DOP1B: variants seen among roughly 807,000 people sequenced by gnomAD.
DOP1B encodes the protein protein DOP1B.
DOP1B carries 174 observed loss-of-function variants against 233.5 expected under a neutral mutation model. The observed-to-expected ratio is 0.75, with a 90% CI of 0.66 to 0.85. DOP1B has a LOEUF of 0.85. Among genes scored for constraint, DOP1B ranks in the 40% least tolerant of loss-of-function variants. The pLI, the probability that DOP1B is intolerant of heterozygous loss-of-function variation, is 0.00. For missense variants in DOP1B, 2,652 were observed against 2,846.6 expected, an observed-to-expected ratio of 0.93 and a Z score of 1.56; for synonymous variants, 1,190 against 1,185.6, an observed-to-expected ratio of 1.00 and a Z score of -0.08.
In DOP1B at chr21:36,200,326, C is replaced by T. The variant is rs772003690; in HGVS notation, c.321-5C>T. ...TGCCCCGCTCCCTCTCGTTCTTTCTCGAAGCTGCGGGTTATTTCCTCTCCT... is the reference window on the plus strand; with the variant it reads ...TGCCCCGCTCCCTCTCGTTCTTTCTTGAAGCTGCGGGTTATTTCCTCTCCT... On this transcript the variant is annotated splice_region_variant and splice_polypyrimidine_tract_variant and intron_variant, in intron 3 of 36. Coordinates refer to ENST00000691173, the MANE Select transcript of DOP1B (RefSeq NM_001320714.2). 8.9e-6 allele frequency: 14 copies of T among 1,581,806 alleles called. No individual in the cohort carries two copies. In the Admixed American group the frequency reaches 1.3e-4, roughly 14 times the overall value.
intron 24 of DOP1B, chr21:36,261,036 C>T (rs2067164042): frequency 3.6e-6 from 4 of 1,115,262 alleles, no homozygotes; most frequent in Non-Finnish European, 4.4e-6. Flanking sequence ...AGAAAAAAAC[C>T]ACATATAGGG....
chr21:36,288,059 C>T lies in DOP1B; in HGVS notation c.6206C>T (p.Ala2069Val). The T allele has an allele frequency of 1.2e-6, 2 of 1,613,994 alleles. No homozygotes were observed. Among genetic ancestry groups the T allele is most frequent in the Non-Finnish European group, 1.7e-6 (2 of 1,179,976 alleles). ...AGAGTTGGACAGACATCCATAGTTG[C>T]TGCTCAGATGTTTCTTTTTTTCAGA... ...NLRVGQTSIVAAQMFLFFRVL... is the reference protein window; with the variant it reads ...NLRVGQTSIVVAQMFLFFRVL... Residue 2069 changes from alanine (A) to valine (V), a missense_variant, in exon 33 of 37, where the codon GCT becomes GTT. Coordinates refer to ENST00000691173, the MANE Select transcript of DOP1B (RefSeq NM_001320714.2).
chr21:36,178,066 C>G (rs995219022), intron 2 of DOP1B, among the ~76,000 whole-genome samples: 9 of 152,164 alleles, frequency 5.9e-5, no homozygotes, highest in Non-Finnish European at 1.2e-4. Flanking sequence ...TTCTCCTTCT[C>G]CCCTCAAACT....
intron 30 of DOP1B, among the ~76,000 whole-genome samples, chr21:36,279,809 T>C (rs1487487457): frequency 6.6e-6 from 1 of 152,248 alleles, no homozygotes; most frequent in Non-Finnish European, 1.5e-5. Context: ...GAAAAGCTTT[T>C]TCGTAGCTTT....
intron 26 of DOP1B, among the ~76,000 whole-genome samples, chr21:36,265,544 C>G (rs989919486): frequency 2.0e-5 from 3 of 152,232 alleles, no homozygotes; most frequent in African/African-American, 7.2e-5. Flanking sequence ...ACTTGCTCAC[C>G]TAAGCCCTCC....
intron 2 of DOP1B, among the ~76,000 whole-genome samples, chr21:36,171,679 T>G (rs1231729772): frequency 1.3e-5 from 2 of 152,208 alleles, no homozygotes; most frequent in Admixed American, 6.5e-5. Context: ...AGATTGTCTA[T>G]GCAGCCTTCA....
At chr21:36,241,486 C>T (rs2066890761) in intron 18 of DOP1B, among the ~76,000 whole-genome samples, 1 of 148,590 alleles carries the variant, frequency 6.7e-6, no homozygotes, top group Non-Finnish European at 1.5e-5. Flanking sequence ...TTTTTCTTAT[C>T]CTGTATTTAT....
At chr21:36,169,144 A>T in intron 2 of DOP1B, 1 of 942,084 alleles carries the variant, frequency 1.1e-6, no homozygotes, top group Non-Finnish European at 1.7e-6. Flanking sequence ...ATGTGCAGAG[A>T]ATGAGCACTC....
intron 2 of DOP1B, among the ~76,000 whole-genome samples, chr21:36,176,097 CGTGTGTGT>C (rs1555886143): frequency 7.1e-6 from 1 of 141,744 alleles, no homozygotes; most frequent in African/African-American, 2.6e-5. Context: ...GGTGTGTGTG[CGTGTGTGT>C]GTGTGTGTGT....
chr21:36,274,033 G>A (rs528656432), intron 27 of DOP1B, among the ~76,000 whole-genome samples: 40 of 152,150 alleles, frequency 2.6e-4, no homozygotes, highest in Non-Finnish European at 3.4e-4. Flanking sequence ...AGCCGAGATC[G>A]CGCCGCTCCA....
chr21:36,227,872 A>T lies in DOP1B; in HGVS notation c.1660A>T (p.Thr554Ser), dbSNP rs1569034895. 2 of 1,596,006 alleles carry T rather than the reference A, an allele frequency of 1.3e-6. No individual in the cohort carries two copies. Among genetic ancestry groups the T allele is most frequent in the Non-Finnish European group, 1.7e-6 (2 of 1,167,938 alleles). ...SYLDTESTSG[T>S]SSPVKGENGK... ...CCTCGACACGGAGTCCACCAGCGGA[A>T]CCTCGGTGTGTACTCTGAGGGGCAG... Residue 554 changes from threonine (T) to serine (S), a missense_variant, in exon 13 of 37, where the codon ACC (threonine) becomes TCC (serine). This residue lies in a region of DOP1B where 2,617 missense variants were observed against 2,794.3 expected (regional missense o/e 0.94). Transcript: ENST00000691173.
intron 32 of DOP1B, among the ~76,000 whole-genome samples, chr21:36,286,174 C>A (rs997725871): frequency 1.3e-5 from 2 of 151,974 alleles, no homozygotes; most frequent in African/African-American, 4.8e-5. Context: ...ATCAGTCTTA[C>A]GTCTTTGGGG....
At chr21:36,223,451 G>A in intron 11 of DOP1B, 101 bp downstream of exon 11, 3 of 1,438,668 alleles carry the variant, frequency 2.1e-6, no homozygotes, top group South Asian at 2.7e-5. Flanking sequence ...AGTAGCTGAA[G>A]CTGAGTAGTC....
intron 1 of DOP1B, among the ~76,000 whole-genome samples, chr21:36,158,010 T>A (rs1274895060): frequency 6.6e-6 from 1 of 152,086 alleles, no homozygotes; most frequent in African/African-American, 2.4e-5. Flanking sequence ...TGTTGCCCAG[T>A]CTGGTCTCAA....
chr21:36,181,249 T>G lies in DOP1B; in HGVS notation c.138+16378T>G, dbSNP rs184161313. Among the ~76,000 whole-genome samples, 453 of 152,130 alleles carry G rather than the reference T, an allele frequency of 3.0e-3. 6 individuals are homozygous for G. Among genetic ancestry groups the G allele is most frequent in the Non-Finnish European group, 2.5e-3 (172 of 67,986 alleles). ...GGGTGGGCAGCTCTCTTCTACACGGTCATTCCAGAAACTCAAGCTAGGACT... is the reference window on the plus strand; with the variant it reads ...GGGTGGGCAGCTCTCTTCTACACGGGCATTCCAGAAACTCAAGCTAGGACT... On this transcript the variant is annotated intron_variant, in intron 2 of 36. Transcript: ENST00000691173.
At chr21:36,272,616 C>T (rs2067301279) in intron 27 of DOP1B, among the ~76,000 whole-genome samples, 1 of 147,138 alleles carries the variant, frequency 6.8e-6, no homozygotes, top group African/African-American at 2.5e-5. Flanking sequence ...CACTACACTC[C>T]AGCCTGGGTG....
intron 2 of DOP1B, chr21:36,169,934 G>A (rs959547326): frequency 1.8e-5 from 14 of 771,054 alleles, no homozygotes; most frequent in Non-Finnish European, 2.9e-5. Context: ...ACCACCATAG[G>A]TGGTGTCTCC....
chr21:36,238,798 C>A, intron 17 of DOP1B, 97 bp downstream of exon 17: 1 of 1,175,348 alleles, frequency 8.5e-7, no homozygotes, highest in Non-Finnish European at 1.3e-6. Flanking sequence ...GAGGAGCGTG[C>A]AGTTGAAAAC....
chr21:36,227,194 T>C (rs184162947), intron 12 of DOP1B, among the ~76,000 whole-genome samples: 27 of 137,650 alleles, frequency 2.0e-4, no homozygotes, highest in South Asian at 4.8e-4. Context: ...GGTGACAGAG[T>C]GAGACTTCAT....
Sources: gnomAD v4.1 joint callset for allele counts (sites outside exome capture counted in the v4.1 genomes callset) on GRCh38, gnomAD v4.1.1 for gene constraint, gnomAD v4.1.1 regional missense constraint, MANE v1.5 for transcripts, NCBI Gene and HGNC (gene_info 2026-07-23, HGNC 2026-07-21) for gene names.